The following TRPC4AP variants were observed in gnomAD, a reference collection of about 807,000 sequenced individuals.
TRPC4AP encodes short transient receptor potential channel 4-associated protein.
A neutral mutation model predicts 99.0 loss-of-function variants in TRPC4AP; 45 were observed. The observed-to-expected ratio is 0.45, with a 90% confidence interval of 0.36 to 0.58. TRPC4AP has a LOEUF of 0.58. TRPC4AP is among the 20% of genes least tolerant of loss of function. The probability of loss-of-function intolerance (pLI) is 0.00; values close to 1 mark genes in which losing one functional copy is unlikely to be tolerated. For missense variants in TRPC4AP, 879 were observed against 985.3 expected, an observed-to-expected ratio of 0.89 and a Z score of 1.44; for synonymous variants, 408 against 385.8, an observed-to-expected ratio of 1.06 and a Z score of -0.67.
intron 16 of TRPC4AP, 88 bp downstream of exon 16, chr20:35,005,607 C>A: frequency 1.5e-6 from 2 of 1,296,990 alleles, no homozygotes; most frequent in Admixed American, 1.9e-5. Flanking sequence ...CTCCCTCAGT[C>A]ATTCTTGTCT....
chr20:35,003,309 G>A (rs754182997), intron 18 of TRPC4AP, 26 bp from the exon 19 acceptor site: 16 of 1,613,754 alleles, frequency 9.9e-6, no homozygotes, highest in Middle Eastern at 1.6e-4. Flanking sequence ...GGGGCTGGGG[G>A]GCGCCTGGAG....
chr20:35,021,400 G>GA, intron 8 of TRPC4AP, 44 bp from the exon 9 acceptor site: 1 of 1,599,812 alleles, frequency 6.3e-7, no homozygotes, highest in Non-Finnish European at 8.5e-7. Flanking sequence ...AGCTTGTGAG[G>GA]AAACACGTTT....
At chr20:35,022,982 G>A (rs1000340640) in intron 8 of TRPC4AP, among the ~76,000 whole-genome samples, 3 of 151,242 alleles carry the variant, frequency 2.0e-5, no homozygotes, top group Non-Finnish European at 4.4e-5. Flanking sequence ...AACAGAGATC[G>A]TGCCACTGCA....
At chr20:35,089,814 C>CCG (rs1437192526) in intron 1 of TRPC4AP, among the ~76,000 whole-genome samples, 6 of 152,104 alleles carry the variant, frequency 3.9e-5, no homozygotes, top group African/African-American at 1.4e-4. Context: ...CCACTGCACT[C>CCG]CAGTCTGGGC....
intron 2 of TRPC4AP, 44 bp downstream of exon 2, chr20:35,078,002 C>T (rs766561022): frequency 5.2e-6 from 8 of 1,549,284 alleles, no homozygotes; most frequent in Non-Finnish European, 8.8e-7. Context: ...TCTTGTGTCA[C>T]CTAGAGGCCC....
chr20:35,076,908 C>T (rs1311842461), intron 2 of TRPC4AP, among the ~76,000 whole-genome samples: 2 of 152,146 alleles, frequency 1.3e-5, no homozygotes, highest in Non-Finnish European at 2.9e-5. Context: ...GCGGTGGGCT[C>T]CACTCAGTTC....
intron 1 of TRPC4AP, among the ~76,000 whole-genome samples, chr20:35,090,053 G>A (rs1288109524): frequency 2.7e-5 from 4 of 150,856 alleles, no homozygotes; most frequent in Non-Finnish European, 5.9e-5. Flanking sequence ...CCAGGAAGTT[G>A]AGCTTGCCAC....
At chr20:35,012,084 C>T (rs2082650957) in intron 11 of TRPC4AP, among the ~76,000 whole-genome samples, 1 of 152,218 alleles carries the variant, frequency 6.6e-6, no homozygotes, top group Non-Finnish European at 1.5e-5. Context: ...GACTCACTTC[C>T]TCAGGGAAAA....
intron 10 of TRPC4AP, among the ~76,000 whole-genome samples, chr20:35,014,015 G>C (rs936128835): frequency 6.6e-6 from 1 of 152,128 alleles, no homozygotes; most frequent in Non-Finnish European, 1.5e-5. Flanking sequence ...AAGCAAAAGT[G>C]CCCTGTAGAA....
At chr20:35,003,758 T>A in intron 17 of TRPC4AP, 142 bp from the exon 18 acceptor site, 2 of 927,944 alleles carry the variant, frequency 2.2e-6, no homozygotes, top group Non-Finnish European at 3.2e-6. Flanking sequence ...AGAGGTGAGA[T>A]AGGACTGGGG....
At chr20:35,027,035 C>A (rs760779009) in intron 8 of TRPC4AP, among the ~76,000 whole-genome samples, 15 of 151,382 alleles carry the variant, frequency 9.9e-5, no homozygotes, top group Non-Finnish European at 2.1e-4. Context: ...CCTTTAATTT[C>A]TTTTTCTTGC....
intron 3 of TRPC4AP, among the ~76,000 whole-genome samples, chr20:35,065,305 ACT>A (rs1353367558): frequency 6.6e-6 from 1 of 152,042 alleles, no homozygotes; most frequent in Non-Finnish European, 1.5e-5. Context: ...GCAGGCACAC[ACT>A]CTCTAGCCCA....
At chr20:35,036,459 T>C (rs2083320805) in intron 7 of TRPC4AP, among the ~76,000 whole-genome samples, 1 of 152,224 alleles carries the variant, frequency 6.6e-6, no homozygotes, top group Non-Finnish European at 1.5e-5. Flanking sequence ...TAATTAAAAA[T>C]TAATAAATAA....
At chr20:35,025,411 A>G (rs2083004061) in intron 8 of TRPC4AP, among the ~76,000 whole-genome samples, 1 of 152,060 alleles carries the variant, frequency 6.6e-6, no homozygotes, top group South Asian at 2.1e-4. Context: ...GGTCTTGAAC[A>G]ATCCTCCTGC....
intron 6 of TRPC4AP, among the ~76,000 whole-genome samples, chr20:35,049,292 T>A (rs1193025712): frequency 2.6e-5 from 4 of 151,716 alleles, no homozygotes; most frequent in Admixed American, 6.6e-5. Flanking sequence ...GTCATCCGAA[T>A]ATTAACCTTA....
At chr20:35,049,570 T>C (rs1316156182) in intron 6 of TRPC4AP, among the ~76,000 whole-genome samples, 2 of 151,970 alleles carry the variant, frequency 1.3e-5, no homozygotes, top group Non-Finnish European at 2.9e-5. Context: ...CGGTGATGAG[T>C]GAGGGGCAAT....
intron 7 of TRPC4AP, among the ~76,000 whole-genome samples, chr20:35,035,626 A>G (rs1487109025): frequency 1.3e-5 from 2 of 152,236 alleles, no homozygotes; most frequent in African/African-American, 4.8e-5. Context: ...ATAACCAGTC[A>G]TATTACACGA....
intron 2 of TRPC4AP, among the ~76,000 whole-genome samples, chr20:35,072,137 C>G (rs1188057980): frequency 6.6e-6 from 1 of 152,096 alleles, no homozygotes; most frequent in East Asian, 1.9e-4. Flanking sequence ...GGGCTGTTTG[C>G]TTTTTTCTTG....
At chr20:35,039,110 A>G (rs568089939) in intron 7 of TRPC4AP, among the ~76,000 whole-genome samples, 3 of 152,316 alleles carry the variant, frequency 2.0e-5, no homozygotes, top group Admixed American at 6.5e-5. Context: ...AAAGAAATAA[A>G]AAGAATTTGT....
Sources: allele counts gnomAD v4.1 joint callset (sites outside exome capture counted in the v4.1 genomes callset), GRCh38; gene constraint gnomAD v4.1.1; transcripts MANE v1.5; gene names NCBI Gene and HGNC (gene_info 2026-07-23, HGNC 2026-07-21).